Variants in SLC6A6 observed in about 807,000 individuals in gnomAD.
SLC6A6 encodes solute carrier family 6 member 6, also known as sodium- and chloride-dependent taurine transporter.
A neutral mutation model predicts 68.8 loss-of-function variants in SLC6A6; 16 were observed. That is an observed-to-expected ratio of 0.23 (90% CI 0.16 to 0.35). The LOEUF is 0.35. SLC6A6 is among the 10% of genes least tolerant of loss of function. The pLI, the probability that SLC6A6 is intolerant of heterozygous loss-of-function variation, is 1.00. For missense variants in SLC6A6, 474 were observed against 802.8 expected, an observed-to-expected ratio of 0.59 and a Z score of 4.95; for synonymous variants, 312 against 315.4, an observed-to-expected ratio of 0.99 and a Z score of 0.12.
intron 6 of SLC6A6, among the ~76,000 whole-genome samples, chr3:14,459,019 C>T (rs896327710): frequency 2.0e-5 from 3 of 152,226 alleles, no homozygotes; most frequent in Non-Finnish European, 1.5e-5. Flanking sequence ...AACCTAGACA[C>T]TGGCTGTTGT....
intron 2 of SLC6A6, among the ~76,000 whole-genome samples, chr3:14,437,443 A>G (rs916433751): frequency 6.6e-6 from 1 of 152,120 alleles, no homozygotes; most frequent in Non-Finnish European, 1.5e-5. Context: ...GTTTTTGTAA[A>G]GATGGGGTTT....
chr3:14,462,284 G>A (rs1197417216), intron 6 of SLC6A6, among the ~76,000 whole-genome samples: 1 of 152,208 alleles, frequency 6.6e-6, no homozygotes, highest in African/African-American at 2.4e-5. Context: ...TGAGACAGGG[G>A]GCTCGATGAG....
intron 2 of SLC6A6, among the ~76,000 whole-genome samples, chr3:14,421,978 T>G (rs1574915480): frequency 6.6e-6 from 1 of 151,790 alleles, no homozygotes; most frequent in African/African-American, 2.4e-5. Context: ...CCAGCAGGGG[T>G]CGGAGGGGGA....
intron 1 of SLC6A6, among the ~76,000 whole-genome samples, chr3:14,406,257 C>T (rs1373311992): frequency 6.6e-6 from 1 of 152,042 alleles, no homozygotes; most frequent in Non-Finnish European, 1.5e-5. Context: ...AGGCAATCTT[C>T]TCGCCTCAGC....
intron 2 of SLC6A6, among the ~76,000 whole-genome samples, chr3:14,438,952 C>T (rs1699921496): frequency 6.6e-6 from 1 of 152,232 alleles, no homozygotes; most frequent in Admixed American, 6.5e-5. Context: ...AAAATAGAGG[C>T]AAGGGCTTGA....
chr3:14,464,488 G>A (rs1429976699), intron 6 of SLC6A6, among the ~76,000 whole-genome samples: 1 of 152,224 alleles, frequency 6.6e-6, no homozygotes, highest in East Asian at 1.9e-4. Flanking sequence ...CACAGTAAGT[G>A]CTCAATAAAC....
intron 1 of SLC6A6, among the ~76,000 whole-genome samples, chr3:14,405,342 T>C (rs1329433169): frequency 2.6e-5 from 4 of 152,244 alleles, no homozygotes; most frequent in African/African-American, 7.2e-5. Flanking sequence ...TTTTCTAACC[T>C]GAACTTGTCC....
intron 2 of SLC6A6, among the ~76,000 whole-genome samples, chr3:14,423,914 G>C (rs1699535068): frequency 6.6e-6 from 1 of 152,176 alleles, no homozygotes; most frequent in Admixed American, 6.5e-5. Flanking sequence ...TGGGCCAAGC[G>C]ATCCCTGTGT....
At position 14,479,765 on chromosome 3, in the gene SLC6A6, A is replaced by G. The variant is rs374891401; in HGVS notation, c.1551+580A>G. On this transcript the variant is annotated intron_variant, in intron 13 of 14. Transcript: ENST00000622186. ...TCCCACGAGGATGCTCTCGCCCACC[A>G]TGTTGGAGTTGGCCTTGGCACCTGC... is the stretch of plus-strand genomic sequence containing the variant. Among the ~76,000 whole-genome samples, 32 of 152,288 alleles carry G rather than the reference A, an allele frequency of 2.1e-4. No homozygotes were observed. The South Asian group carries it at 5.2e-3, about 25-fold the overall frequency.
chr3:14,484,438 G>C (rs1256807656), intron 14 of SLC6A6, among the ~76,000 whole-genome samples: 1 of 152,186 alleles, frequency 6.6e-6, no homozygotes, highest in East Asian at 1.9e-4. Context: ...GGGGAAGGTG[G>C]GAGCCATGGA....
intron 2 of SLC6A6, among the ~76,000 whole-genome samples, chr3:14,437,946 G>A (rs1375378688): frequency 6.6e-6 from 1 of 151,380 alleles, no homozygotes; most frequent in Non-Finnish European, 1.5e-5. Flanking sequence ...TTCTGCCGTA[G>A]CTTCTTGAGT....
intron 4 of SLC6A6, among the ~76,000 whole-genome samples, chr3:14,446,659 G>A (rs1004445857): frequency 1.3e-5 from 2 of 152,180 alleles, no homozygotes; most frequent in Non-Finnish European, 2.9e-5. Context: ...AACTCCCCTT[G>A]ATAGTTTTGT....
intron 5 of SLC6A6, among the ~76,000 whole-genome samples, chr3:14,452,867 A>C (rs1700284429): frequency 6.6e-6 from 1 of 152,244 alleles, no homozygotes; most frequent in Non-Finnish European, 1.5e-5. Flanking sequence ...CCTGGAGGAC[A>C]GGCGGGGCCA....
At chr3:14,434,482 A>C (rs947795845) in intron 2 of SLC6A6, among the ~76,000 whole-genome samples, 3 of 152,150 alleles carry the variant, frequency 2.0e-5, no homozygotes, top group Non-Finnish European at 4.4e-5. Context: ...CACTGTCTCC[A>C]GTTCCTAGAG....
chr3:14,471,227 C>G (rs961343358), intron 9 of SLC6A6, among the ~76,000 whole-genome samples: 8 of 146,452 alleles, frequency 5.5e-5, no homozygotes, highest in African/African-American at 1.8e-4. Context: ...TAAATTATTT[C>G]CGTTGGCATC....
At chr3:14,444,442 T>G in intron 3 of SLC6A6, 1 of 231,878 alleles carries the variant, frequency 4.3e-6, no homozygotes, top group South Asian at 5.4e-5. Context: ...TTTTTGGATT[T>G]TGGTTTGCTT....
chr3:14,439,701 C>T (rs1376465502), intron 2 of SLC6A6, among the ~76,000 whole-genome samples: 1 of 152,178 alleles, frequency 6.6e-6, no homozygotes, highest in Non-Finnish European at 1.5e-5. Flanking sequence ...TGCAGGGACG[C>T]CTGTGGAGGA....
At chr3:14,411,637 G>T (rs188299877) in intron 1 of SLC6A6, among the ~76,000 whole-genome samples, 153 of 152,328 alleles carry the variant, frequency 1.0e-3, no homozygotes, top group African/African-American at 3.4e-3. Flanking sequence ...CAGCCTAGGG[G>T]TGTGGCACAC....
chr3:14,415,820 T>C (rs9861690), intron 1 of SLC6A6, among the ~76,000 whole-genome samples: 1 of 152,122 alleles, frequency 6.6e-6, no homozygotes, highest in Admixed American at 6.5e-5. Flanking sequence ...CCTGAACTGG[T>C]TGGTGAATAC....
Sources: allele counts gnomAD v4.1 joint callset (sites outside exome capture counted in the v4.1 genomes callset), GRCh38; gene constraint gnomAD v4.1.1; transcripts MANE v1.5; gene names NCBI Gene and HGNC (gene_info 2026-07-23, HGNC 2026-07-21).